The following ST7 variants were observed in gnomAD, a reference collection of about 807,000 sequenced individuals.
ST7 encodes the protein suppressor of tumorigenicity 7 protein.
In ST7, 28 loss-of-function variants were observed where a neutral mutation model predicts 78.7. That is an observed-to-expected ratio of 0.36 (90% CI 0.26 to 0.49). The LOEUF (loss-of-function observed/expected upper bound fraction) is 0.49. ST7 is among the 20% of genes least tolerant of loss of function. ST7 has a pLI of 0.99. For synonymous variants in ST7, 247 were observed against 249.6 expected (o/e 0.99, Z 0.10); for missense variants, 418 against 696.0 (o/e 0.60, Z 4.49).
intron 9 of ST7, among the ~76,000 whole-genome samples, chr7:117,150,882 G>T (rs1292165670): frequency 6.6e-6 from 1 of 152,120 alleles, no homozygotes; most frequent in African/African-American, 2.4e-5. Flanking sequence ...GGCTATCTTG[G>T]TAAGTCACAT....
intron 9 of ST7, among the ~76,000 whole-genome samples, chr7:117,169,904 A>G (rs569738418): frequency 7.1e-6 from 1 of 140,626 alleles, no homozygotes; most frequent in African/African-American, 2.7e-5. Context: ...CTATTCTCTT[A>G]GTCTCAGAAG....
Position 117,008,209 on chromosome 7 carries a change from T to A in ST7, c.151+54518T>A, listed in dbSNP as rs183887486. 3.0e-4 allele frequency among the ~76,000 whole-genome samples: 46 copies of A among 152,300 alleles called. No individual in the cohort carries two copies. In the East Asian group the frequency reaches 8.5e-3, roughly 28 times the overall value. On this transcript the variant is annotated intron_variant, in intron 1 of 15. Coordinates refer to ENST00000323984, the MANE Select transcript of ST7 (RefSeq NM_001369598.1). ...AACTCATTACAGAATTGTTGTATTT[T>A]AGAGCTAGAAAAAAACCTCAGAAAT... is the stretch of plus-strand genomic sequence containing the variant.
At chr7:117,161,566 T>G (rs1486302935) in intron 9 of ST7, among the ~76,000 whole-genome samples, 1 of 151,122 alleles carries the variant, frequency 6.6e-6, no homozygotes, top group African/African-American at 2.4e-5. Flanking sequence ...AGTGAGTCTG[T>G]TTTTTCAGTT....
At chr7:117,220,253 C>T (rs1441822689) in intron 14 of ST7, among the ~76,000 whole-genome samples, 1 of 152,202 alleles carries the variant, frequency 6.6e-6, no homozygotes, top group Non-Finnish European at 1.5e-5. Flanking sequence ...AGGAGTTGCT[C>T]ACTTGCCTTC....
intron 1 of ST7, among the ~76,000 whole-genome samples, chr7:117,082,914 A>G (rs544719250): frequency 3.9e-5 from 6 of 152,352 alleles, no homozygotes; most frequent in African/African-American, 9.6e-5. Flanking sequence ...TCCCTGATGT[A>G]GACAGGTCTG....
At chr7:117,115,353 C>CTTT (rs1272973593) in intron 2 of ST7, among the ~76,000 whole-genome samples, 4 of 135,324 alleles carry the variant, frequency 3.0e-5, no homozygotes, top group Admixed American at 7.5e-5. Flanking sequence ...TGGTAGGTTA[C>CTTT]TTTTTTTTTT....
intron 14 of ST7, among the ~76,000 whole-genome samples, chr7:117,220,568 G>A (rs1466640141): frequency 6.6e-6 from 1 of 152,170 alleles, no homozygotes; most frequent in African/African-American, 2.4e-5. Flanking sequence ...CAAGATTACA[G>A]TTCTTAAGAG....
intron 1 of ST7, among the ~76,000 whole-genome samples, chr7:117,068,894 G>C (rs1798776678): frequency 6.6e-6 from 1 of 152,216 alleles, no homozygotes; most frequent in African/African-American, 2.4e-5. Context: ...GCTGGGGAAA[G>C]AATGAATACC....
At chr7:117,149,941 T>C in intron 9 of ST7, among the ~76,000 whole-genome samples, 1 of 152,162 alleles carries the variant, frequency 6.6e-6, no homozygotes, top group Admixed American at 6.5e-5. Context: ...GGATCTTTTT[T>C]TCTGTGGTGG....
chr7:117,036,332 A>C (rs1293235825), intron 1 of ST7, among the ~76,000 whole-genome samples: 1 of 152,242 alleles, frequency 6.6e-6, no homozygotes, highest in African/African-American at 2.4e-5. Context: ...AATGATGCAG[A>C]ATATTTTATC....
intron 9 of ST7, among the ~76,000 whole-genome samples, chr7:117,149,190 A>G (rs144179241): frequency 6.6e-4 from 101 of 152,272 alleles, no homozygotes; most frequent in Non-Finnish European, 1.1e-3. Context: ...ATCCTCAGGT[A>G]CACAAACCTG....
At chr7:117,091,006 T>C (rs1449115403) in intron 1 of ST7, among the ~76,000 whole-genome samples, 3 of 152,188 alleles carry the variant, frequency 2.0e-5, no homozygotes, top group Non-Finnish European at 2.9e-5. Flanking sequence ...GGAAAGAATG[T>C]GCTCAGCTCC....
rs1338902225 is a variant in ST7, at chr7:117,219,122, C to G, written c.1444C>G (p.Leu482Val). The change falls in exon 14 of 16, where the codon CTA (leucine) becomes GTA (valine). Residue 482 changes from leucine to valine, a missense_variant. Around this residue, in one of 4 missense-constraint regions of ST7, gnomAD observed 288 missense variants for 537.1 expected, o/e 0.54. Coordinates refer to ENST00000323984, the MANE Select transcript of ST7 (RefSeq NM_001369598.1). This position sits in a 1 kb window ranked among gnomAD's most constrained non-coding sequence, Gnocchi z 5.1. ...MIPYPLEKGHLFYPYPICTET... is the reference protein window; with the variant it reads ...MIPYPLEKGHVFYPYPICTET... ...CCCTTATCCCTTGGAAAAGGGGCAC[C>G]TATTTTATCCTTACCCAATCTGTAC... 1 of 1,613,452 alleles carries G rather than the reference C, an allele frequency of 6.2e-7. No homozygotes were observed. Among genetic ancestry groups the G allele is most frequent in the Non-Finnish European group, 8.5e-7 (1 of 1,179,764 alleles).
intron 15 of ST7, among the ~76,000 whole-genome samples, chr7:117,228,130 T>C (rs2116238120): frequency 6.6e-6 from 1 of 152,316 alleles, no homozygotes. Context: ...TTTACCATCC[T>C]TACTCCATCT....
At chr7:117,001,913 T>C (rs928809621) in intron 1 of ST7, among the ~76,000 whole-genome samples, 4 of 152,220 alleles carry the variant, frequency 2.6e-5, no homozygotes, top group African/African-American at 7.2e-5. Flanking sequence ...TTATGTGTTA[T>C]GAACATACTT....
chr7:117,061,625 C>T (rs1798358125), intron 1 of ST7, among the ~76,000 whole-genome samples: 4 of 151,876 alleles, frequency 2.6e-5, no homozygotes, highest in African/African-American at 9.7e-5. Context: ...TCTGTAAAGG[C>T]ACAAGGGAAG....
intron 1 of ST7, chr7:117,072,822 G>A (rs1294942450): frequency 6.6e-6 from 1 of 152,182 alleles, no homozygotes; most frequent in Non-Finnish European, 1.5e-5. Flanking sequence ...AGCCAGAATT[G>A]AGAAAGTGAC....
At chr7:117,229,297 G>T (rs1056321815) in intron 15 of ST7, among the ~76,000 whole-genome samples, 3 of 152,206 alleles carry the variant, frequency 2.0e-5, no homozygotes, top group African/African-American at 7.2e-5. Context: ...GGACCGCAAA[G>T]AAATTCATAC....
intron 1 of ST7, among the ~76,000 whole-genome samples, chr7:117,003,002 T>C (rs1368559686): frequency 1.3e-5 from 2 of 151,574 alleles, no homozygotes; most frequent in Non-Finnish European, 2.9e-5. Flanking sequence ...TTTTGTATTT[T>C]TAGTAGAGAC....
Sources: allele counts gnomAD v4.1 joint callset (sites outside exome capture counted in the v4.1 genomes callset), GRCh38; gene constraint gnomAD v4.1.1; regional missense constraint gnomAD v4.1.1; non-coding constraint Gnocchi (gnomAD v3.1); transcripts MANE v1.5; gene names NCBI Gene and HGNC (gene_info 2026-07-23, HGNC 2026-07-21).